The following LRP2 variants were observed in gnomAD, a reference collection of about 807,000 sequenced individuals.
The protein encoded by LRP2 is LDL receptor related protein 2, also known as low-density lipoprotein receptor-related protein 2.
Under a neutral mutation model 531.0 loss-of-function variants are expected in LRP2, and 172 were observed. The observed-to-expected ratio is 0.32, with a 90% CI of 0.29 to 0.37. The LOEUF (loss-of-function observed/expected upper bound fraction) is 0.37, where lower values mean the gene tolerates loss of function less well. Ranked by LOEUF, LRP2 falls within the 10% of genes least tolerant of loss-of-function variation. LRP2 has a pLI of 1.00. For missense variants in LRP2, 5,167 were observed against 5,868.3 expected (o/e 0.88, Z 3.90); for synonymous variants, 1,992 against 2,027.6 (o/e 0.98, Z 0.47).
In LRP2 at chr2:169,206,571, G is replaced by C. The variant is rs780014625; in HGVS notation, c.7149C>G (p.Ala2383=). 15 of 1,614,036 alleles carry C rather than the reference G, an allele frequency of 9.3e-6. No individual in the cohort carries two copies. The highest frequency in any genetic ancestry group is 1.3e-5 in the Non-Finnish European group (15 of 1,180,036). Residue 2383 remains alanine (A), a synonymous_variant, in exon 39 of 79, where the codon GCC becomes GCG. Transcript: ENST00000649046. ...GTLQSDGKNC[A]ISTENFLIFA... ...AGATGAGGAAATTTTCTGTTGAAAT[G>C]GCACAATTCTTGCCATCACTTTGCA...
At chr2:169,171,111 T>C (rs920106912) in intron 58 of LRP2, among the ~76,000 whole-genome samples, 2 of 151,980 alleles carry the variant, frequency 1.3e-5, no homozygotes, top group Admixed American at 6.6e-5. Flanking sequence ...TAACCTCTTA[T>C]AGGATTCAAC....
Position 169,138,591 on chromosome 2 carries a change from T to G in LRP2, c.13504A>C (p.Arg4502=). 6.2e-7 allele frequency: 1 copy of G among 1,613,784 alleles called. No individual in the cohort carries two copies. The highest frequency in any genetic ancestry group is 8.5e-7 in the Non-Finnish European group (1 of 1,179,706). The change falls in exon 75 of 79, where the codon AGG becomes CGG. Residue 4502 remains arginine (R), a synonymous_variant. Coordinates refer to ENST00000649046, the MANE Select transcript of LRP2 (RefSeq NM_004525.3). ...ACCATACTCACCATTGCCATTGACC[T>G]GTCAATAGCAGTCTCAGGTCCAAAA... ...SGFGPETAID[R]SMAMSEDFVM... is the part of the protein sequence containing the mutation.
intron 1 of LRP2, among the ~76,000 whole-genome samples, chr2:169,338,139 G>A (rs532659256): frequency 6.0e-5 from 9 of 150,316 alleles, no homozygotes; most frequent in Non-Finnish European, 1.0e-4. Flanking sequence ...ATGGGGGGAA[G>A]TAGGGAAGGA....
intron 63 of LRP2, among the ~76,000 whole-genome samples, chr2:169,160,685 A>AAAAAAACAAAAAAAACAAAAAAAAC (rs1553487412): frequency 2.1e-5 from 2 of 94,234 alleles, no homozygotes; most frequent in African/African-American, 9.1e-5. Flanking sequence ...ATTTCCTTAA[A>AAAAAAACAAAAAAAACAAAAAAAAC]AAAAAAAAAA....
chr2:169,350,653 G>A (rs1242783573), intron 1 of LRP2, among the ~76,000 whole-genome samples: 1 of 149,010 alleles, frequency 6.7e-6, no homozygotes, highest in Non-Finnish European at 1.5e-5. Context: ...GAACCTGGGA[G>A]GCAGAGGTTG....
intron 46 of LRP2, among the ~76,000 whole-genome samples, chr2:169,196,366 T>C (rs7578722): frequency 0.25 from 38,000 of 152,160 alleles, 5,249 homozygotes; most frequent in East Asian, 0.54. Context: ...TGGATATAGA[T>C]TAGAATTTGT....
chr2:169,300,436 A>T (rs1351881513), intron 4 of LRP2, among the ~76,000 whole-genome samples: 2 of 90,488 alleles, frequency 2.2e-5, no homozygotes, highest in African/African-American at 4.4e-5. Flanking sequence ...AGTGGGTTCT[A>T]AAAAAAGGAC....
At chr2:169,246,425 G>A (rs548465825) in intron 21 of LRP2, among the ~76,000 whole-genome samples, 2 of 152,158 alleles carry the variant, frequency 1.3e-5, no homozygotes, top group South Asian at 2.1e-4. Context: ...TTGACTTTTT[G>A]AGGAGTTTGC....
chr2:169,241,914 TAC>T (rs1053180217), intron 24 of LRP2, among the ~76,000 whole-genome samples: 1 of 152,184 alleles, frequency 6.6e-6, no homozygotes, highest in African/African-American at 2.4e-5. Flanking sequence ...CCTGGAGAGA[TAC>T]GTAAGAACTG....
intron 4 of LRP2, among the ~76,000 whole-genome samples, chr2:169,304,525 A>G (rs1234099268): frequency 6.6e-6 from 1 of 152,218 alleles, no homozygotes; most frequent in Non-Finnish European, 1.5e-5. Flanking sequence ...GTTTATCATT[A>G]TTATTAATCA....
At chr2:169,197,573 C>G (rs10169232) in intron 45 of LRP2, among the ~76,000 whole-genome samples, 66,070 of 152,048 alleles carry the variant, frequency 0.43, 16,763 homozygotes, top group African/African-American at 0.71. Context: ...CTCTTTTCTC[C>G]AGTAATTTTA....
chr2:169,173,781 C>T (rs935291100), intron 56 of LRP2, 138 bp downstream of exon 56: 17 of 1,189,256 alleles, frequency 1.4e-5, no homozygotes, highest in African/African-American at 4.5e-5. Context: ...CCTTGCAGTG[C>T]CAGAGTTTGC....
chr2:169,129,917 G>A (rs569516953), intron 77 of LRP2, among the ~76,000 whole-genome samples: 1 of 152,332 alleles, frequency 6.6e-6, no homozygotes, highest in Admixed American at 6.5e-5. Context: ...AGGAGCTGAG[G>A]GAGCCCACAG....
At chr2:169,212,259 C>T in intron 36 of LRP2, 52 bp from the exon 37 acceptor site, 3 of 1,612,812 alleles carry the variant, frequency 1.9e-6, no homozygotes, top group East Asian at 2.2e-5. Flanking sequence ...TACTCGCCAC[C>T]CCATCTCAAA....
At chr2:169,146,122 T>C (rs1480414739) in intron 69 of LRP2, among the ~76,000 whole-genome samples, 199 bp from the exon 70 acceptor site, 1 of 152,098 alleles carries the variant, frequency 6.6e-6, no homozygotes, top group Non-Finnish European at 1.5e-5. Flanking sequence ...GTCAAGAAGA[T>C]AGAAATTAAA....
At chr2:169,244,295 T>A (rs909198841) in intron 22 of LRP2, among the ~76,000 whole-genome samples, 2 of 152,262 alleles carry the variant, frequency 1.3e-5, no homozygotes, top group African/African-American at 4.8e-5. Context: ...CTCTTTATTT[T>A]GATGTCTTTT....
rs756035179 is a variant in LRP2, at chr2:169,257,278, G to A, written c.2514-29C>T. The A allele has an allele frequency of 6.2e-6, 10 of 1,609,344 alleles. No individual in the cohort carries two copies. In the Admixed American group the frequency reaches 1.5e-4, roughly 24 times the overall value. ...GAAAAAGCAGTAGTAAATTAAGGCTGTTAACACTGGGACAAACTACATGAC... is the reference window on the plus strand; with the variant it reads ...GAAAAAGCAGTAGTAAATTAAGGCTATTAACACTGGGACAAACTACATGAC... On this transcript the variant is annotated intron_variant, in intron 17 of 78. Coordinates refer to ENST00000649046, the MANE Select transcript of LRP2 (RefSeq NM_004525.3).
chr2:169,148,343 T>A (rs527730772), intron 68 of LRP2, among the ~76,000 whole-genome samples: 2 of 121,996 alleles, frequency 1.6e-5, no homozygotes, highest in African/African-American at 5.5e-5. Flanking sequence ...GGTTTCTTTG[T>A]AGGGTGATGA....
intron 1 of LRP2, among the ~76,000 whole-genome samples, chr2:169,328,352 C>T (rs1256306182): frequency 3.0e-4 from 43 of 144,380 alleles, no homozygotes; most frequent in Admixed American, 6.1e-4. Flanking sequence ...TCTGCCCGGC[C>T]ACCCCTACTA....
Sources: allele counts gnomAD v4.1 joint callset (sites outside exome capture counted in the v4.1 genomes callset), GRCh38; gene constraint gnomAD v4.1.1; transcripts MANE v1.5; gene names NCBI Gene and HGNC (gene_info 2026-07-23, HGNC 2026-07-21).